SEPTIN12: variants seen among roughly 807,000 people sequenced by gnomAD.
The protein encoded by SEPTIN12 is septin-12.
SEPTIN12 carries 42 observed loss-of-function variants against 37.7 expected under a neutral mutation model. That is an observed-to-expected ratio of 1.11 (90% CI 0.87 to 1.44). The LOEUF is 1.44. Ranked by LOEUF, SEPTIN12 falls within the 40% of genes most tolerant of loss-of-function variation. The pLI is 0.00. For missense variants in SEPTIN12, 613 were observed against 479.2 expected, an observed-to-expected ratio of 1.28 and a Z score of -2.61; for synonymous variants, 254 against 196.7, an observed-to-expected ratio of 1.29 and a Z score of -2.44.
chr16:4,784,114 G>A (rs780024237), intron 4 of SEPTIN12, 46 bp from the exon 5 acceptor site: 1 of 1,609,464 alleles, frequency 6.2e-7, no homozygotes, highest in East Asian at 2.2e-5. Context: ...GCTGTGCCCA[G>A]AGAGCCCCAC....
At chr16:4,786,465 C>G (rs1186767014) in intron 2 of SEPTIN12, among the ~76,000 whole-genome samples, 2 of 150,708 alleles carry the variant, frequency 1.3e-5, no homozygotes, top group East Asian at 3.9e-4. Flanking sequence ...CGCCATTCCC[C>G]TGTCTCAGCC....
chr16:4,785,791 AAG>A lies in SEPTIN12; in HGVS notation c.374+14_374+15del, dbSNP rs777450000. On this transcript the variant is annotated intron_variant, in intron 4 of 9. Coordinates refer to ENST00000268231, the MANE Select transcript of SEPTIN12 (RefSeq NM_144605.5). The stretch of plus-strand genomic sequence containing the variant: ...GAAACTCTGCCTAAAAAAAAAAAAA[AAG>A]AGAGAGAACCTACCAGTTGTCATTG... 371 of 1,446,550 alleles carry A rather than the reference AAG, an allele frequency of 2.6e-4. No homozygotes were observed. Among genetic ancestry groups the A allele is most frequent in the Admixed American group, 3.8e-4 (18 of 47,274 alleles). The allele number at this position is 1,446,550 out of a possible 1,614,324, so 89.6% of individuals were successfully genotyped here.
Position 4,777,775 on chromosome 16 carries a change from C to T in SEPTIN12, c.*22G>A, listed in dbSNP as rs753768699. 2.0e-5 allele frequency: 29 copies of T among 1,480,114 alleles called. No individual in the cohort carries two copies. In the East Asian group the frequency reaches 6.0e-4, roughly 31 times the overall value. The allele number at this position is 1,480,114 out of a possible 1,614,324, so 91.7% of individuals were successfully genotyped here. A position where few individuals can be genotyped will look rare whatever the true frequency, so the allele number is the denominator to read the frequency against. ...GCCGCTGGGGACTCAGGAAGCCCAG[C>T]AGCCCCGGGATCCGCCGGTGGTCAG... On this transcript the variant is annotated 3_prime_UTR_variant, in exon 10 of 10. Coordinates refer to ENST00000268231, the MANE Select transcript of SEPTIN12 (RefSeq NM_144605.5).
Position 4,786,327 on chromosome 16 carries a change from A to T in SEPTIN12, c.167-222T>A, listed in dbSNP as rs936468801. On this transcript the variant is annotated intron_variant, in intron 2 of 9. Coordinates refer to ENST00000268231, the MANE Select transcript of SEPTIN12 (RefSeq NM_144605.5). ...GTAGCTGGGACTGTAGGCACACGCC[A>T]CCATACCCAGCTGATTTTTGCACTG... Among the ~76,000 whole-genome samples, 3 of 144,996 alleles carry T rather than the reference A, an allele frequency of 2.1e-5. No homozygotes were observed. In the South Asian group the frequency reaches 6.5e-4, roughly 31 times the overall value.
chr16:4,791,437 G>C (rs1202709821), upstream of SEPTIN12, among the ~76,000 whole-genome samples: 1 of 152,170 alleles, frequency 6.6e-6, no homozygotes. Context: ...CGACGGCTCT[G>C]ACATCGATGA....
Position 4,779,681 on chromosome 16 carries a change from C to T in SEPTIN12, c.823+9G>A, listed in dbSNP as rs146718157. ...CCACCTGCATCCTACCCAGGGGCCCCGCACTGACCTTCAATGATGCCCCAC... is the reference window on the plus strand; with the variant it reads ...CCACCTGCATCCTACCCAGGGGCCCTGCACTGACCTTCAATGATGCCCCAC... On this transcript the variant is annotated intron_variant, in intron 8 of 9. Coordinates refer to ENST00000268231, the MANE Select transcript of SEPTIN12 (RefSeq NM_144605.5). 640 of 1,592,220 alleles carry T rather than the reference C, an allele frequency of 4.0e-4. 2 individuals are homozygous for T. In the East Asian group the frequency reaches 8.2e-3, roughly 20 times the overall value.
Position 4,777,723 on chromosome 16 carries a change from G to T in SEPTIN12, c.*74C>A. On this transcript the variant is annotated 3_prime_UTR_variant, in exon 10 of 10. Transcript: ENST00000268231. Reference sequence around the variant, plus strand: ...AAAGCAAGGCTCACATTTAATAGATGCTCTGGTACATAGGTGTGTGTTGAG... The same window carrying T: ...AAAGCAAGGCTCACATTTAATAGATTCTCTGGTACATAGGTGTGTGTTGAG... 9.4e-7 allele frequency: 1 copy of T among 1,063,738 alleles called. No individual in the cohort carries two copies. Among genetic ancestry groups the T allele is most frequent in the Non-Finnish European group, 1.3e-6 (1 of 748,190 alleles). 65.9% of individuals were successfully genotyped at this position (1,063,738 alleles called of 1,614,324 possible). A position where few individuals can be genotyped will look rare whatever the true frequency, so the allele number is the denominator to read the frequency against.
chr16:4,783,611 C>T, intron 6 of SEPTIN12, 38 bp downstream of exon 6: 3 of 1,611,660 alleles, frequency 1.9e-6, no homozygotes, highest in Non-Finnish European at 2.5e-6. Context: ...TGCCCTCTGC[C>T]CCCGCTGACC....
At chr16:4,789,026 GTTGT>G (rs940543145), upstream of SEPTIN12, among the ~76,000 whole-genome samples, 6 of 152,082 alleles carry the variant, frequency 3.9e-5, no homozygotes, top group African/African-American at 9.7e-5. Context: ...TTCTTTTTTT[GTTGT>G]TTGTTTTTGA....
intron 5 of SEPTIN12, 61 bp from the exon 6 acceptor site, chr16:4,783,827 C>T: frequency 1.9e-6 from 3 of 1,599,300 alleles, no homozygotes; most frequent in Non-Finnish European, 2.6e-6. Context: ...ACGACAGCAG[C>T]AGGGCACGGG....
At chr16:4,779,539 C>A in intron 8 of SEPTIN12, 151 bp downstream of exon 8, 1 of 665,504 alleles carries the variant, frequency 1.5e-6, no homozygotes, top group Admixed American at 2.4e-5. Flanking sequence ...TTGCCACAGC[C>A]TCCCAGCTGG....
At chr16:4,791,335 G>C (rs2082548040), upstream of SEPTIN12, among the ~76,000 whole-genome samples, 2 of 152,232 alleles carry the variant, frequency 1.3e-5, no homozygotes, top group Non-Finnish European at 2.9e-5. Context: ...TATGGTGGAA[G>C]AGGACAAAAG....
chr16:4,782,657 G>T (rs2082384623), intron 7 of SEPTIN12, among the ~76,000 whole-genome samples: 1 of 152,016 alleles, frequency 6.6e-6, no homozygotes, highest in African/African-American at 2.4e-5. Context: ...AGGCTGGGGT[G>T]CAGTGGCGCA....
At chr16:4,790,156 C>T (rs1362233093), upstream of SEPTIN12, 1 of 152,076 alleles carries the variant, frequency 6.6e-6, no homozygotes, top group East Asian at 1.9e-4. Flanking sequence ...TCAAGGGGTC[C>T]AGCTGCCTCA....
upstream of SEPTIN12, chr16:4,788,731 G>C (rs1481919302): frequency 6.6e-6 from 1 of 152,210 alleles, no homozygotes; most frequent in Non-Finnish European, 1.5e-5. Context: ...CGTTCTAGGA[G>C]CCCAAAGATG....
chr16:4,779,112 C>T (rs371481826), intron 8 of SEPTIN12, among the ~76,000 whole-genome samples: 4 of 151,586 alleles, frequency 2.6e-5, no homozygotes, highest in East Asian at 1.9e-4. Context: ...CACTCCAGCT[C>T]GGGTGACACT....
intron 8 of SEPTIN12, among the ~76,000 whole-genome samples, chr16:4,779,462 T>C (rs2082349097): frequency 1.3e-5 from 2 of 152,140 alleles, no homozygotes; most frequent in African/African-American, 4.8e-5. Flanking sequence ...TCCAACACCC[T>C]AGGAAGTTGA....
rs377016497 is a variant in SEPTIN12, at chr16:4,778,003, G to A, written c.876-5C>T. 10 of 1,612,212 alleles carry A rather than the reference G, an allele frequency of 6.2e-6. No individual in the cohort carries two copies. The highest frequency in any genetic ancestry group is 1.6e-4 in the Middle Eastern group (1 of 6,082). The stretch of plus-strand genomic sequence containing the variant: ...TTCAGGTCTTGGAGGTGGGAGCTGG[G>A]GGACCGGAGACGGTCAGCCCCGATG... On this transcript the variant is annotated splice_polypyrimidine_tract_variant and splice_region_variant and intron_variant, in intron 9 of 9. Coordinates refer to ENST00000268231, the MANE Select transcript of SEPTIN12 (RefSeq NM_144605.5).
chr16:4,782,449 T>C (rs2082382627), intron 7 of SEPTIN12, among the ~76,000 whole-genome samples: 1 of 152,182 alleles, frequency 6.6e-6, no homozygotes, highest in Admixed American at 6.6e-5. Flanking sequence ...CATTTTTGTT[T>C]CTTTTGGGTA....
Sources: allele counts gnomAD v4.1 joint callset (sites outside exome capture counted in the v4.1 genomes callset), GRCh38; gene constraint gnomAD v4.1.1; transcripts MANE v1.5; gene names NCBI Gene and HGNC (gene_info 2026-07-23, HGNC 2026-07-21).